The following MPDZ variants were observed in gnomAD, a reference collection of about 807,000 sequenced individuals.
The protein encoded by MPDZ is multiple PDZ domain crumbs cell polarity complex component.
In MPDZ, 234 loss-of-function variants were observed where a neutral mutation model predicts 239.1. The ratio of observed to expected loss-of-function variants is 0.98; its 90% confidence interval spans 0.88 to 1.09. The LOEUF (loss-of-function observed/expected upper bound fraction) is 1.09. Ranked by LOEUF, MPDZ falls within the 50% of genes least tolerant of loss-of-function variation. MPDZ has a pLI of 0.00. For missense variants in MPDZ, 3,175 were observed against 2,510.0 expected, an observed-to-expected ratio of 1.26 and a Z score of -5.66; for synonymous variants, 1,048 against 881.3, an observed-to-expected ratio of 1.19 and a Z score of -3.35.
At chr9:13,141,197 A>T (rs931448415) in intron 27 of MPDZ, among the ~76,000 whole-genome samples, 7 of 152,066 alleles carry the variant, frequency 4.6e-5, no homozygotes, top group African/African-American at 1.7e-4. Flanking sequence ...GCACTAACCT[A>T]ATGTTACAGA....
chr9:13,115,986 A>C (rs1943385348), intron 39 of MPDZ, among the ~76,000 whole-genome samples: 1 of 151,736 alleles, frequency 6.6e-6, no homozygotes, highest in Non-Finnish European at 1.5e-5. Flanking sequence ...GAACACAATA[A>C]AACCACCACT....
chr9:13,268,638 T>C (rs1467762164), intron 1 of MPDZ, among the ~76,000 whole-genome samples: 1 of 152,104 alleles, frequency 6.6e-6, no homozygotes, highest in African/African-American at 2.4e-5. Flanking sequence ...ATATGACACA[T>C]GAATCATCTC....
In MPDZ at chr9:13,123,263, A is replaced by G. The variant is rs1424536726; in HGVS notation, c.4843T>C (p.Ser1615Pro). 3.1e-6 allele frequency: 5 copies of G among 1,612,854 alleles called. No individual in the cohort carries two copies. The highest frequency in any genetic ancestry group is 3.4e-6 in the Non-Finnish European group (4 of 1,179,538). Residue 1615 changes from serine (S) to proline (P), a missense_variant, in exon 36 of 47, where the codon TCT becomes CCT. Ser to Pro is a moderately conservative substitution (Grantham distance 74). Coordinates refer to ENST00000319217, the MANE Select transcript of MPDZ (RefSeq NM_001378778.1). ...ATAATGGGGCAGGTTGCAGGATCAGAAGCAAAAATTGCTGGTGTTGATGAT... is the reference window on the plus strand; with the variant it reads ...ATAATGGGGCAGGTTGCAGGATCAGGAGCAAAAATTGCTGGTGTTGATGAT... ...SRSSTPAIFA[S>P]DPATCPIIPG...
chr9:13,131,525 A>G (rs1265899927), intron 32 of MPDZ, among the ~76,000 whole-genome samples: 2 of 152,182 alleles, frequency 1.3e-5, no homozygotes, highest in Non-Finnish European at 1.5e-5. Context: ...CGAAACCGCC[A>G]TGGTGACCAA....
chr9:13,244,991 T>C, intron 3 of MPDZ, among the ~76,000 whole-genome samples: 1 of 152,144 alleles, frequency 6.6e-6, no homozygotes. Context: ...AGATAGTAAA[T>C]TGCAGCTGTC....
At position 13,176,251 on chromosome 9, in the gene MPDZ, G is replaced by A. The variant is rs773486777; in HGVS notation, c.2816C>T (p.Ala939Val). ...FTINDYTPAN[A>V]IEQQYECENT... is the part of the protein sequence containing the mutation. ...TTCACATTCATATTGTTGTTCAATA[G>A]CATTTGCAGGTGTGTAGTCATTTAT... The change falls in exon 20 of 47, where the codon GCT (alanine) becomes GTT (valine). Residue 939 changes from alanine (A) to valine (V), a missense_variant. Coordinates refer to ENST00000319217, the MANE Select transcript of MPDZ (RefSeq NM_001378778.1). 3.7e-6 allele frequency: 6 copies of A among 1,608,188 alleles called. No homozygotes were observed. Among genetic ancestry groups the A allele is most frequent in the Middle Eastern group, 3.3e-4 (2 of 6,056 alleles).
intron 32 of MPDZ, among the ~76,000 whole-genome samples, chr9:13,131,730 T>C (rs147558525): frequency 6.8e-4 from 103 of 152,320 alleles, no homozygotes; most frequent in African/African-American, 2.4e-3. Flanking sequence ...TCCACTGTCT[T>C]GTGGCCACCA....
In MPDZ at chr9:13,224,455, T is replaced by C. The variant is rs773879549; in HGVS notation, c.312A>G (p.Ala104=). 18 of 1,612,908 alleles carry C rather than the reference T, an allele frequency of 1.1e-5. No individual in the cohort carries two copies. The Admixed American group carries it at 2.3e-4, about 21-fold the overall frequency. ...LLSPNNGNLE[A]LTGPGIPHIN... ...TGTGTGGAATACCAGGTCCTGTAAGTGCTTCCAGATTCCCATTGTTTGGGG... is the reference window on the plus strand; with the variant it reads ...TGTGTGGAATACCAGGTCCTGTAAGCGCTTCCAGATTCCCATTGTTTGGGG... Residue 104 remains alanine (A), a synonymous_variant, in exon 4 of 47, where the codon GCA becomes GCG. Transcript: ENST00000319217.
At chr9:13,221,267 T>C in intron 7 of MPDZ, 105 bp downstream of exon 7, 3 of 1,229,568 alleles carry the variant, frequency 2.4e-6, no homozygotes, top group Non-Finnish European at 3.3e-6. Context: ...TCAATTTCTT[T>C]GGCATCATTT....
chr9:13,111,466 T>G (rs757534073), intron 43 of MPDZ, among the ~76,000 whole-genome samples: 2 of 152,336 alleles, frequency 1.3e-5, no homozygotes, highest in East Asian at 3.9e-4. Flanking sequence ...TTAGAGAGAC[T>G]GAGTTGCGTT....
chr9:13,228,780 T>C (rs1437706332), intron 3 of MPDZ, among the ~76,000 whole-genome samples: 2 of 152,176 alleles, frequency 1.3e-5, no homozygotes, highest in African/African-American at 4.8e-5. Context: ...AATTCACCTA[T>C]ATAGTTTATC....
intron 3 of MPDZ, among the ~76,000 whole-genome samples, chr9:13,227,255 A>G (rs1011756229): frequency 6.6e-6 from 1 of 152,156 alleles, no homozygotes; most frequent in Non-Finnish European, 1.5e-5. Context: ...TCACAGATGA[A>G]AAAGAGATCA....
intron 10 of MPDZ, among the ~76,000 whole-genome samples, chr9:13,212,965 A>G (rs908205989): frequency 6.6e-6 from 1 of 151,956 alleles, no homozygotes; most frequent in Non-Finnish European, 1.5e-5. Flanking sequence ...AACATATCCT[A>G]TACGTATAAA....
chr9:13,189,468 G>A (rs746671425), intron 16 of MPDZ, among the ~76,000 whole-genome samples: 3 of 152,046 alleles, frequency 2.0e-5, no homozygotes, highest in Non-Finnish European at 4.4e-5. Flanking sequence ...GTATGTGGTA[G>A]TGAAGTGTTT....
chr9:13,279,348 A>G (rs1975130086), intron 1 of MPDZ, 52 bp downstream of exon 1: 1 of 135,130 alleles, frequency 7.4e-6, no homozygotes, highest in Non-Finnish European at 1.6e-5. Flanking sequence ...GCGCGCGCGC[A>G]GGGCGCGGGG....
chr9:13,227,783 T>C (rs2136552268), intron 3 of MPDZ, among the ~76,000 whole-genome samples: 1 of 152,292 alleles, frequency 6.6e-6, no homozygotes, highest in South Asian at 2.1e-4. Context: ...CAATGACTCC[T>C]CCTGCTTCAT....
chr9:13,276,183 T>C (rs1194679483), intron 1 of MPDZ, among the ~76,000 whole-genome samples: 2 of 152,210 alleles, frequency 1.3e-5, no homozygotes, highest in African/African-American at 4.8e-5. Context: ...ACATTCTTCC[T>C]AATCCATCTA....
At chr9:13,215,505 C>T (rs1033598875) in intron 10 of MPDZ, among the ~76,000 whole-genome samples, 6 of 150,636 alleles carry the variant, frequency 4.0e-5, no homozygotes, top group Non-Finnish European at 7.4e-5. Context: ...CATGTCGTGG[C>T]GAGTGTGAAT....
At chr9:13,178,478 C>T (rs1034297020) in intron 19 of MPDZ, among the ~76,000 whole-genome samples, 1 of 152,108 alleles carries the variant, frequency 6.6e-6, no homozygotes, top group African/African-American at 2.4e-5. Flanking sequence ...TCTTCATATT[C>T]TTTATCCGAT....
Sources: allele counts gnomAD v4.1 joint callset (sites outside exome capture counted in the v4.1 genomes callset), GRCh38; gene constraint gnomAD v4.1.1; transcripts MANE v1.5; gene names NCBI Gene and HGNC (gene_info 2026-07-23, HGNC 2026-07-21).